NRG1: variants seen among roughly 807,000 people sequenced by gnomAD.
NRG1 encodes pro-neuregulin-1, membrane-bound isoform.
A neutral mutation model predicts 63.8 loss-of-function variants in NRG1; 18 were observed. The observed-to-expected ratio is 0.28, with a 90% confidence interval of 0.19 to 0.42. NRG1 has a LOEUF of 0.42. NRG1 is among the 10% of genes least tolerant of loss of function. The probability of loss-of-function intolerance (pLI) is 1.00; values close to 1 mark genes in which losing one functional copy is unlikely to be tolerated. For missense variants in NRG1, 762 were observed against 814.7 expected, an observed-to-expected ratio of 0.94 and a Z score of 0.79; for synonymous variants, 302 against 301.3, an observed-to-expected ratio of 1.00 and a Z score of -0.02.
chr8:31,814,883 C>G (rs1823282127), intron 1 of NRG1, among the ~76,000 whole-genome samples: 1 of 151,826 alleles, frequency 6.6e-6, no homozygotes, highest in African/African-American at 2.4e-5. Context: ...ATGGTGCCCC[C>G]CTGCAAGCCT....
intron 1 of NRG1, among the ~76,000 whole-genome samples, chr8:31,761,647 A>G (rs962932057): frequency 2.0e-5 from 3 of 152,242 alleles, no homozygotes; most frequent in Admixed American, 6.5e-5. Flanking sequence ...TAGAACACAC[A>G]TAACATTTGT....
chr8:31,965,086 A>G (rs1806097854), intron 1 of NRG1, among the ~76,000 whole-genome samples: 1 of 152,196 alleles, frequency 6.6e-6, no homozygotes. Context: ...ACATCTTTCC[A>G]GTTCCCAGAT....
intron 1 of NRG1, among the ~76,000 whole-genome samples, chr8:32,310,507 T>C (rs916899512): frequency 6.6e-6 from 1 of 152,172 alleles, no homozygotes; most frequent in African/African-American, 2.4e-5. Flanking sequence ...TCAGTGTCTT[T>C]AGTAGAGGCC....
intron 1 of NRG1, among the ~76,000 whole-genome samples, chr8:32,216,387 G>A (rs1379955787): frequency 6.7e-6 from 1 of 148,670 alleles, no homozygotes; most frequent in Non-Finnish European, 1.5e-5. Flanking sequence ...AAGCACTATA[G>A]AAATGGCAGC....
chr8:32,245,993 G>C (rs1437334870), intron 1 of NRG1, among the ~76,000 whole-genome samples: 1 of 152,184 alleles, frequency 6.6e-6, no homozygotes, highest in Non-Finnish European at 1.5e-5. Context: ...CAGGAATCAG[G>C]CTGATTTTCC....
At chr8:31,867,094 C>CT (rs1181082114) in intron 1 of NRG1, among the ~76,000 whole-genome samples, 1 of 152,136 alleles carries the variant, frequency 6.6e-6, no homozygotes, top group Non-Finnish European at 1.5e-5. Flanking sequence ...TTTACCTCTT[C>CT]TTTTTTTCCT....
chr8:31,774,015 A>T (rs938373711), intron 1 of NRG1, among the ~76,000 whole-genome samples: 2 of 145,296 alleles, frequency 1.4e-5, no homozygotes, highest in Non-Finnish European at 3.1e-5. Flanking sequence ...TGTTAAAATT[A>T]AAAAAAAAAA....
At chr8:32,469,771 G>A (rs1436523167) in intron 1 of NRG1, among the ~76,000 whole-genome samples, 1 of 152,168 alleles carries the variant, frequency 6.6e-6, no homozygotes, top group Non-Finnish European at 1.5e-5. Context: ...AGAATCCTAA[G>A]AGAGGATGAT....
intron 1 of NRG1, among the ~76,000 whole-genome samples, chr8:32,177,547 C>T (rs1056683280): frequency 1.3e-5 from 2 of 151,876 alleles, no homozygotes; most frequent in Non-Finnish European, 2.9e-5. Flanking sequence ...TCCCTTTTCC[C>T]CCCATCCCTT....
At chr8:32,366,675 GTGTATATA>G (rs1336920028) in intron 1 of NRG1, among the ~76,000 whole-genome samples, 7 of 54,546 alleles carry the variant, frequency 1.3e-4, no homozygotes, top group African/African-American at 5.0e-4. Flanking sequence ...GTGTGTGTGT[GTGTATATA>G]TATATATATA....
At chr8:32,092,323 G>C (rs755589009) in intron 1 of NRG1, among the ~76,000 whole-genome samples, 9 of 151,912 alleles carry the variant, frequency 5.9e-5, no homozygotes, top group Non-Finnish European at 1.3e-4. Flanking sequence ...TGGGCCTGGT[G>C]GTGTGTGCTT....
chr8:32,619,815 C>G (rs1251351781), intron 5 of NRG1, among the ~76,000 whole-genome samples: 1 of 152,012 alleles, frequency 6.6e-6, no homozygotes, highest in African/African-American at 2.4e-5. Context: ...GCATGTTTTA[C>G]TAATCCTAGT....
intron 1 of NRG1, among the ~76,000 whole-genome samples, chr8:32,393,431 T>C (rs1157240636): frequency 6.6e-6 from 1 of 152,176 alleles, no homozygotes; most frequent in Non-Finnish European, 1.5e-5. Context: ...AACACACGCA[T>C]GCTTATGTTC....
chr8:32,169,147 C>A (rs1839724430), intron 1 of NRG1, among the ~76,000 whole-genome samples: 1 of 152,044 alleles, frequency 6.6e-6, no homozygotes, highest in African/African-American at 2.4e-5. Flanking sequence ...CATCACACAC[C>A]CATCTAGAAA....
At chr8:32,563,152 G>T (rs1836773695) in intron 1 of NRG1, among the ~76,000 whole-genome samples, 2 of 152,136 alleles carry the variant, frequency 1.3e-5, no homozygotes, top group South Asian at 4.1e-4. Flanking sequence ...TTCATCAGCT[G>T]TCATTAGTGT....
intron 1 of NRG1, among the ~76,000 whole-genome samples, chr8:32,418,838 A>C (rs1816300877): frequency 6.6e-6 from 1 of 152,246 alleles, no homozygotes; most frequent in South Asian, 2.1e-4. Context: ...ATTTGAAATA[A>C]GATGTTTTTA....
intron 1 of NRG1, among the ~76,000 whole-genome samples, chr8:32,420,989 G>A (rs1002208743): frequency 2.6e-5 from 4 of 152,116 alleles, no homozygotes; most frequent in African/African-American, 9.7e-5. Flanking sequence ...TGTGAAGAGG[G>A]TGCCTGCTTC....
chr8:31,744,863 TTTCAAATCAAGCTAGC>T (rs1815688242), intron 1 of NRG1, among the ~76,000 whole-genome samples: 2 of 151,938 alleles, frequency 1.3e-5, no homozygotes, highest in Admixed American at 6.6e-5. Flanking sequence ...CTGAGTAGTG[TTTCAAATCAAGCTAGC>T]TTTCTGGCAG....
intron 1 of NRG1, among the ~76,000 whole-genome samples, chr8:32,180,055 T>A (rs528367745): frequency 1.3e-5 from 2 of 152,296 alleles, no homozygotes; most frequent in South Asian, 4.1e-4. Flanking sequence ...TCTTACTCTT[T>A]TATTTGTTAA....
Sources: gnomAD v4.1 joint callset for allele counts (sites outside exome capture counted in the v4.1 genomes callset) on GRCh38, gnomAD v4.1.1 for gene constraint, MANE v1.5 for transcripts, NCBI Gene and HGNC (gene_info 2026-07-23, HGNC 2026-07-21) for gene names.